Variants in TMEM167A observed in about 807,000 individuals in gnomAD.
TMEM167A encodes transmembrane protein 167A, also known as protein kish-A.
TMEM167A carries 8 observed loss-of-function variants against 11.6 expected under a neutral mutation model. That is an observed-to-expected ratio of 0.69 (90% CI 0.40 to 1.24). TMEM167A has a LOEUF of 1.24. Ranked by LOEUF, TMEM167A falls within the 50% of genes most tolerant of loss-of-function variation. TMEM167A has a pLI of 0.01. For missense variants in TMEM167A, 62 were observed against 87.0 expected (o/e 0.71, Z 1.14); for synonymous variants, 22 against 28.0 (o/e 0.79, Z 0.67).
chr5:83,068,770 G>T (rs1243480721), intron 1 of TMEM167A, among the ~76,000 whole-genome samples: 1 of 152,142 alleles, frequency 6.6e-6, no homozygotes, highest in South Asian at 2.1e-4. Context: ...TTCAAAGTAG[G>T]TTTATCATTT....
chr5:83,076,147 C>T (rs1408734985), intron 1 of TMEM167A, among the ~76,000 whole-genome samples: 3 of 152,118 alleles, frequency 2.0e-5, no homozygotes, highest in East Asian at 3.9e-4. Context: ...AGGTGTGATC[C>T]GAGGCAAGTC....
intron 1 of TMEM167A, among the ~76,000 whole-genome samples, chr5:83,074,839 C>T (rs919936906): frequency 8.6e-5 from 13 of 151,702 alleles, no homozygotes; most frequent in East Asian, 7.7e-4. Flanking sequence ...GGCACAATCT[C>T]GACACACCGC....
At chr5:83,068,434 G>C (rs1348775071) in intron 1 of TMEM167A, among the ~76,000 whole-genome samples, 2 of 152,142 alleles carry the variant, frequency 1.3e-5, no homozygotes, top group African/African-American at 2.4e-5. Context: ...GCACACAGCA[G>C]TTATAATCAA....
Position 83,065,184 on chromosome 5 carries a change from A to T in TMEM167A, c.4-67T>A, listed in dbSNP as rs988704835. 8.1e-6 allele frequency: 8 copies of T among 991,546 alleles called. No individual in the cohort carries two copies. In the African/African-American group the frequency reaches 1.3e-4, roughly 16 times the overall value. The allele number at this position is 991,546 out of a possible 1,614,324, so 61.4% of individuals were successfully genotyped here. On this transcript the variant is annotated intron_variant, in intron 1 of 3. Coordinates refer to ENST00000502346, the MANE Select transcript of TMEM167A (RefSeq NM_174909.5). The stretch of plus-strand genomic sequence containing the variant: ...ACTGCATAGGTAAAAAATGTTTGAC[A>T]ATTCCACATTTAGAGTCATGTTTTT...
At chr5:83,061,277 T>C (rs1323117645) in intron 3 of TMEM167A, among the ~76,000 whole-genome samples, 1 of 152,196 alleles carries the variant, frequency 6.6e-6, no homozygotes, top group Non-Finnish European at 1.5e-5. Flanking sequence ...GCTCTATACT[T>C]CTATACTATC....
intron 2 of TMEM167A, chr5:83,064,190 C>G (rs754117237): frequency 3.9e-6 from 2 of 510,846 alleles, no homozygotes; most frequent in Non-Finnish European, 7.8e-6. Flanking sequence ...AATAGGCATG[C>G]TCTTTTTGGT....
chr5:83,076,718 G>A (rs1434865858), intron 1 of TMEM167A, among the ~76,000 whole-genome samples: 1 of 152,218 alleles, frequency 6.6e-6, no homozygotes, highest in Non-Finnish European at 1.5e-5. Context: ...AAAAGAGGAG[G>A]AAGGCCTGAG....
At chr5:83,063,633 C>T (rs995384204) in intron 2 of TMEM167A, among the ~76,000 whole-genome samples, 1 of 151,980 alleles carries the variant, frequency 6.6e-6, no homozygotes, top group Non-Finnish European at 1.5e-5. Context: ...TTAGCAGCAC[C>T]ACTTTGGTTT....
At position 83,077,346 on chromosome 5, in the gene TMEM167A, C is replaced by T. The variant is rs1339415842; in HGVS notation, c.-23G>A. 3.7e-6 allele frequency: 6 copies of T among 1,614,194 alleles called. No individual in the cohort carries two copies. The highest frequency in any genetic ancestry group is 3.4e-6 in the Non-Finnish European group (4 of 1,180,010). On this transcript the variant is annotated 5_prime_UTR_variant, in exon 1 of 4. An upstream open reading frame in the 5' UTR gains an earlier in-frame stop. Transcript: ENST00000502346. Reference sequence around the variant, plus strand: ...CATAGCGAGGCCGGCGATGCCGCAGCCACATCACCCTTCCGGGGCTCAGGC... The same window carrying T: ...CATAGCGAGGCCGGCGATGCCGCAGTCACATCACCCTTCCGGGGCTCAGGC...
In TMEM167A at chr5:83,055,398, A is replaced by G. The variant is rs193171490; in HGVS notation, c.*1686T>C. 6.6e-6 allele frequency: 1 copy of G among 152,148 alleles called. No homozygotes were observed. Among genetic ancestry groups the G allele is most frequent in the African/African-American group, 2.4e-5 (1 of 41,546 alleles). The allele number at this position is 152,148 out of a possible 1,614,324, so 9.4% of individuals were successfully genotyped here. ...TTAGAGCCAGAAAGGTGACTTACTCAGCATGCATACACTGACAAGAATCCT... is the reference window on the plus strand; with the variant it reads ...TTAGAGCCAGAAAGGTGACTTACTCGGCATGCATACACTGACAAGAATCCT... On this transcript the variant is annotated 3_prime_UTR_variant, in exon 4 of 4. Coordinates refer to ENST00000502346, the MANE Select transcript of TMEM167A (RefSeq NM_174909.5).
At chr5:83,072,961 A>G (rs1001453474) in intron 1 of TMEM167A, among the ~76,000 whole-genome samples, 1 of 152,186 alleles carries the variant, frequency 6.6e-6, no homozygotes, top group Non-Finnish European at 1.5e-5. Context: ...TGCCATTTTC[A>G]TGGATGATGC....
intron 3 of TMEM167A, 50 bp downstream of exon 3, chr5:83,061,827 T>C (rs775484914): frequency 1.3e-6 from 2 of 1,519,222 alleles, no homozygotes; most frequent in African/African-American, 2.8e-5. Flanking sequence ...CTAAGTAAAT[T>C]GGTCAACAAT....
intron 1 of TMEM167A, 26 bp downstream of exon 1, chr5:83,077,295 C>G: frequency 1.9e-6 from 3 of 1,614,212 alleles, no homozygotes; most frequent in Non-Finnish European, 2.5e-6. Flanking sequence ...GAAGATCAAC[C>G]GCGACCTGGG....
chr5:83,064,071 G>A (rs1472434443), intron 2 of TMEM167A: 1 of 322,900 alleles, frequency 3.1e-6, no homozygotes, highest in Non-Finnish European at 6.0e-6. Flanking sequence ...ATAATTCTTA[G>A]TTATAAATCA....
intron 2 of TMEM167A, among the ~76,000 whole-genome samples, chr5:83,063,133 T>C (rs1263079855): frequency 6.6e-6 from 1 of 152,066 alleles, no homozygotes; most frequent in African/African-American, 2.4e-5. Flanking sequence ...AATTTTACCA[T>C]AGAAATAAAA....
chr5:83,063,683 C>T (rs1004053320), intron 2 of TMEM167A, among the ~76,000 whole-genome samples: 9 of 152,000 alleles, frequency 5.9e-5, no homozygotes, highest in Admixed American at 2.0e-4. Context: ...TTCTGTAATA[C>T]CCCAATTTTA....
chr5:83,062,112 G>A, intron 2 of TMEM167A: 1 of 498,916 alleles, frequency 2.0e-6, no homozygotes, highest in Non-Finnish European at 3.6e-6. Flanking sequence ...AACCATCAAT[G>A]TACAGAAACT....
In TMEM167A at chr5:83,061,554, G is replaced by C. The variant is rs555987253; in HGVS notation, c.148+323C>G. On this transcript the variant is annotated intron_variant, in intron 3 of 3. Coordinates refer to ENST00000502346, the MANE Select transcript of TMEM167A (RefSeq NM_174909.5). ...CTCCTGAGTAGCTGGGATTACAGGT[G>C]TGCATGCCCAGCTAACTTTTAGTAG... Among the ~76,000 whole-genome samples the C allele has an allele frequency of 1.2e-4, 18 of 152,074 alleles. 1 individual carries two copies. In the South Asian group the frequency reaches 3.7e-3, roughly 32 times the overall value.
intron 3 of TMEM167A, 94 bp from the exon 4 acceptor site, chr5:83,057,248 T>C: frequency 8.1e-7 from 1 of 1,235,414 alleles, no homozygotes; most frequent in Non-Finnish European, 1.2e-6. Flanking sequence ...GATAACATTC[T>C]TCCCTAGGAG....
Sources: allele counts gnomAD v4.1 joint callset (sites outside exome capture counted in the v4.1 genomes callset), GRCh38; gene constraint gnomAD v4.1.1; transcripts MANE v1.5; gene names NCBI Gene and HGNC (gene_info 2026-07-23, HGNC 2026-07-21).